Variants in RAP1GDS1 observed in about 807,000 individuals in gnomAD.
The protein encoded by RAP1GDS1 is Rap1 GTPase-GDP dissociation stimulator 1.
A neutral mutation model predicts 71.1 loss-of-function variants in RAP1GDS1; 35 were observed. The ratio of observed to expected loss-of-function variants is 0.49; its 90% CI spans 0.38 to 0.65. RAP1GDS1 has a LOEUF of 0.65. Ranked by LOEUF, RAP1GDS1 falls within the 30% of genes least tolerant of loss-of-function variation. RAP1GDS1 has a pLI of 0.00. For missense variants in RAP1GDS1, 663 were observed against 706.1 expected (o/e 0.94, Z 0.69); for synonymous variants, 229 against 243.1 (o/e 0.94, Z 0.54).
chr4:98,273,534 T>C (rs1449572463), intron 1 of RAP1GDS1, among the ~76,000 whole-genome samples: 1 of 152,128 alleles, frequency 6.6e-6, no homozygotes, highest in Non-Finnish European at 1.5e-5. Flanking sequence ...TTAAAGTTCT[T>C]TTGGGATAAC....
intron 12 of RAP1GDS1, among the ~76,000 whole-genome samples, chr4:98,425,449 A>G (rs1169631987): frequency 1.1e-4 from 17 of 152,222 alleles, no homozygotes; most frequent in Non-Finnish European, 2.4e-4. Context: ...GAATTGCAGA[A>G]TAGATAAGAA....
chr4:98,404,413 T>C, intron 6 of RAP1GDS1, 64 bp from the exon 7 acceptor site: 1 of 1,428,120 alleles, frequency 7.0e-7, no homozygotes, highest in Non-Finnish European at 9.5e-7. Context: ...AACTAAGTAT[T>C]GAAAGTATTA....
intron 13 of RAP1GDS1, 90 bp from the exon 14 acceptor site, chr4:98,436,850 T>C (rs745343502): frequency 6.7e-5 from 88 of 1,307,128 alleles, no homozygotes; most frequent in Non-Finnish European, 8.6e-5. Flanking sequence ...TTTAGAAGGT[T>C]TCGTATGGTC....
At chr4:98,419,117 G>A (rs903086932) in intron 10 of RAP1GDS1, among the ~76,000 whole-genome samples, 4 of 152,108 alleles carry the variant, frequency 2.6e-5, no homozygotes, top group Non-Finnish European at 5.9e-5. Flanking sequence ...GTGCAGTGAC[G>A]CAGTCCTGGC....
intron 4 of RAP1GDS1, among the ~76,000 whole-genome samples, chr4:98,360,288 G>A (rs748899668): frequency 2.0e-5 from 3 of 152,108 alleles, no homozygotes; most frequent in Admixed American, 2.0e-4. Context: ...AGTATTGCAC[G>A]TGGCAAAAAT....
At chr4:98,385,170 TATA>T (rs1366313185) in intron 5 of RAP1GDS1, among the ~76,000 whole-genome samples, 7 of 151,794 alleles carry the variant, frequency 4.6e-5, no homozygotes, top group Admixed American at 2.6e-4. Flanking sequence ...TGCATTTTAA[TATA>T]ATAATATGCA....
At position 98,433,808 on chromosome 4, in the gene RAP1GDS1, A is replaced by G. The variant is rs1750784941; in HGVS notation, c.1441-128A>G. 12 of 811,754 alleles carry G rather than the reference A, an allele frequency of 1.5e-5. 1 individual carries two copies. The South Asian group carries it at 2.3e-4, about 16-fold the overall frequency. 50.3% of individuals were successfully genotyped at this position (811,754 alleles called of 1,614,324 possible). A position where few individuals can be genotyped will look rare whatever the true frequency, so the allele number is the denominator to read the frequency against. ...CTTTTCTTCTGTGGAGAAAAAAACT[A>G]TGATTAAATCAAATGATTCATACAG... On this transcript the variant is annotated intron_variant, in intron 12 of 14. Transcript: ENST00000408927.
chr4:98,342,966 AAGC>A (rs1375174623), intron 2 of RAP1GDS1, among the ~76,000 whole-genome samples, 170 bp from the exon 3 acceptor site: 11 of 151,070 alleles, frequency 7.3e-5, no homozygotes, highest in African/African-American at 2.7e-4. Flanking sequence ...CTCAAAATAA[AAGC>A]AGCTTGTGGA....
chr4:98,305,367 G>C (rs1458503274), intron 2 of RAP1GDS1, among the ~76,000 whole-genome samples: 1 of 151,682 alleles, frequency 6.6e-6, no homozygotes, highest in East Asian at 1.9e-4. Flanking sequence ...TTTGTAGTTT[G>C]GTAGAGAACA....
intron 1 of RAP1GDS1, among the ~76,000 whole-genome samples, chr4:98,270,581 T>A (rs142422622): frequency 1.3e-3 from 196 of 152,328 alleles, no homozygotes; most frequent in Non-Finnish European, 2.5e-3. Context: ...CTTTTGTAAC[T>A]AGAAGCATTT....
At chr4:98,343,343 GT>G in intron 3 of RAP1GDS1, 82 bp downstream of exon 3, 1 of 1,457,552 alleles carries the variant, frequency 6.9e-7, no homozygotes, top group Non-Finnish European at 9.4e-7. Flanking sequence ...ATTAATTTAT[GT>G]TTTAATTTTG....
At chr4:98,325,913 A>G (rs891852397) in intron 2 of RAP1GDS1, among the ~76,000 whole-genome samples, 2 of 55,298 alleles carry the variant, frequency 3.6e-5, no homozygotes, top group African/African-American at 1.7e-4. Flanking sequence ...CCTAAAACTT[A>G]AAGTATTAAA....
intron 5 of RAP1GDS1, among the ~76,000 whole-genome samples, chr4:98,381,657 A>G (rs547578424): frequency 1.1e-4 from 17 of 151,708 alleles, no homozygotes; most frequent in Admixed American, 6.6e-4. Context: ...TGTATTTACT[A>G]TGTAGAACAT....
At chr4:98,441,901 G>A in intron 14 of RAP1GDS1, 89 bp from the exon 15 acceptor site, 4 of 1,414,128 alleles carry the variant, frequency 2.8e-6, no homozygotes, top group Non-Finnish European at 3.8e-6. Context: ...TATAAGCTTA[G>A]TCTTGTCAAA....
intron 2 of RAP1GDS1, among the ~76,000 whole-genome samples, chr4:98,308,205 C>T (rs1182543401): frequency 2.1e-5 from 3 of 140,458 alleles, no homozygotes; most frequent in Non-Finnish European, 3.1e-5. Flanking sequence ...TATATGTGTG[C>T]GTGTATATAG....
intron 6 of RAP1GDS1, among the ~76,000 whole-genome samples, chr4:98,393,345 T>C (rs1376244285): frequency 6.6e-6 from 1 of 152,146 alleles, no homozygotes; most frequent in Non-Finnish European, 1.5e-5. Context: ...GTTTCTCATC[T>C]TCTCTCTTCA....
Position 98,288,789 on chromosome 4 carries a change from A to G in RAP1GDS1, c.5-4619A>G, listed in dbSNP as rs554423271. ...GCATTTCTCTTAAGGCCTAGTGATG[A>G]TGAGCATTTTTTCATGTGTCTGTTG... On this transcript the variant is annotated intron_variant, in intron 1 of 14. Transcript: ENST00000408927. Among the ~76,000 whole-genome samples the G allele has an allele frequency of 6.0e-4, 92 of 152,230 alleles. 1 individual carries two copies. Among genetic ancestry groups the G allele is most frequent in the African/African-American group, 2.1e-3 (87 of 41,542 alleles).
intron 1 of RAP1GDS1, 34 bp downstream of exon 1, chr4:98,261,603 CAT>C: frequency 2.5e-6 from 4 of 1,594,376 alleles, no homozygotes; most frequent in Non-Finnish European, 3.4e-6. Flanking sequence ...CATCGCCTGA[CAT>C]TTTTTTCTTT....
chr4:98,421,751 A>G (rs568246010), intron 12 of RAP1GDS1, among the ~76,000 whole-genome samples: 90 of 152,250 alleles, frequency 5.9e-4, no homozygotes, highest in Non-Finnish European at 9.8e-4. Flanking sequence ...AAAAAAATCC[A>G]TTCTTGTGGC....
Sources: gnomAD v4.1 joint callset for allele counts (sites outside exome capture counted in the v4.1 genomes callset) on GRCh38, gnomAD v4.1.1 for gene constraint, MANE v1.5 for transcripts, NCBI Gene and HGNC (gene_info 2026-07-23, HGNC 2026-07-21) for gene names.